Variants in TAFA2 observed in about 807,000 individuals in gnomAD.
TAFA2 encodes the protein chemokine-like protein TAFA-2.
A neutral mutation model predicts 18.8 loss-of-function variants in TAFA2; 7 were observed. The observed-to-expected ratio is 0.37, with a 90% CI of 0.21 to 0.70. The LOEUF (loss-of-function observed/expected upper bound fraction) is 0.70, where lower values mean the gene tolerates loss of function less well. Among genes scored for constraint, TAFA2 ranks in the 30% least tolerant of loss-of-function variants. The probability of loss-of-function intolerance (pLI) is 0.53; values close to 1 mark genes in which losing one functional copy is unlikely to be tolerated. For missense variants in TAFA2, 122 were observed against 158.1 expected, an observed-to-expected ratio of 0.77 and a Z score of 1.23; for synonymous variants, 60 against 54.2, an observed-to-expected ratio of 1.11 and a Z score of -0.47.
At chr12:61,889,379 C>T (rs1461697368) in intron 1 of TAFA2, among the ~76,000 whole-genome samples, 1 of 152,166 alleles carries the variant, frequency 6.6e-6, no homozygotes. Flanking sequence ...CCCTATGGCT[C>T]AGTCTGCACC....
At chr12:62,235,316 C>A in intron 1 of TAFA2, 1 of 666,004 alleles carries the variant, frequency 1.5e-6, no homozygotes, top group Non-Finnish European at 2.8e-6. Flanking sequence ...GGGCCCTCGG[C>A]ATCTCTGTCC....
At chr12:62,013,866 C>T (rs1310590076) in intron 1 of TAFA2, among the ~76,000 whole-genome samples, 2 of 152,122 alleles carry the variant, frequency 1.3e-5, no homozygotes, top group East Asian at 3.8e-4. Flanking sequence ...TACTATTGCA[C>T]TTTTACAACA....
At chr12:62,056,252 C>T (rs999256049) in intron 1 of TAFA2, among the ~76,000 whole-genome samples, 13 of 152,112 alleles carry the variant, frequency 8.5e-5, no homozygotes, top group Non-Finnish European at 1.8e-4. Flanking sequence ...CTTGCTACAT[C>T]GCCAGATATT....
intron 1 of TAFA2, among the ~76,000 whole-genome samples, chr12:61,870,001 C>T (rs1046764821): frequency 6.6e-6 from 1 of 152,268 alleles, no homozygotes; most frequent in African/African-American, 2.4e-5. Context: ...ATCATTTTTC[C>T]ATACCATTGT....
At chr12:62,047,137 A>G (rs1881930678) in intron 1 of TAFA2, among the ~76,000 whole-genome samples, 1 of 152,150 alleles carries the variant, frequency 6.6e-6, no homozygotes, top group South Asian at 2.1e-4. Context: ...TGATTTAATA[A>G]TAAGTAATAA....
chr12:62,172,447 C>A (rs1025839261), intron 1 of TAFA2, among the ~76,000 whole-genome samples: 1 of 152,202 alleles, frequency 6.6e-6, no homozygotes, highest in African/African-American at 2.4e-5. Flanking sequence ...AGAAGGAAGT[C>A]TCTCCTGATG....
At chr12:61,844,971 T>A (rs1000446322) in intron 2 of TAFA2, among the ~76,000 whole-genome samples, 2 of 152,130 alleles carry the variant, frequency 1.3e-5, no homozygotes, top group Admixed American at 1.3e-4. Context: ...TCATGTTGAG[T>A]TCAGGACCAC....
chr12:62,045,059 G>C (rs1881874438), intron 1 of TAFA2, among the ~76,000 whole-genome samples: 1 of 152,118 alleles, frequency 6.6e-6, no homozygotes, highest in Non-Finnish European at 1.5e-5. Flanking sequence ...TATAGCAATA[G>C]CTTTCTTTAT....
intron 2 of TAFA2, among the ~76,000 whole-genome samples, chr12:61,765,130 C>A (rs1336461389): frequency 6.6e-6 from 1 of 152,058 alleles, no homozygotes; most frequent in Non-Finnish European, 1.5e-5. Flanking sequence ...GGCAGTGACA[C>A]AAAGAATGTG....
chr12:62,048,702 CTTA>C (rs1422428280), intron 1 of TAFA2, among the ~76,000 whole-genome samples: 1 of 152,024 alleles, frequency 6.6e-6, no homozygotes, highest in Non-Finnish European at 1.5e-5. Context: ...ACAAATAAGC[CTTA>C]TGATAAGTAA....
At chr12:61,782,328 G>T (rs1342016316) in intron 2 of TAFA2, among the ~76,000 whole-genome samples, 2 of 151,618 alleles carry the variant, frequency 1.3e-5, no homozygotes, top group Non-Finnish European at 3.0e-5. Flanking sequence ...CTACTTGGAG[G>T]CTTCCTACAT....
At chr12:61,778,664 G>A (rs1870376281) in intron 2 of TAFA2, among the ~76,000 whole-genome samples, 1 of 151,894 alleles carries the variant, frequency 6.6e-6, no homozygotes, top group Non-Finnish European at 1.5e-5. Flanking sequence ...ATAGGAGACT[G>A]ATCCAGGAAA....
intron 1 of TAFA2, among the ~76,000 whole-genome samples, chr12:61,936,285 G>A (rs1347373254): frequency 6.6e-6 from 1 of 151,878 alleles, no homozygotes; most frequent in South Asian, 2.1e-4. Context: ...AGCATCCCTT[G>A]GCCGGGCACA....
intron 2 of TAFA2, among the ~76,000 whole-genome samples, chr12:61,864,681 G>A (rs562995426): frequency 1.8e-4 from 27 of 148,670 alleles, no homozygotes; most frequent in African/African-American, 6.0e-4. Flanking sequence ...ACTGAGGCAC[G>A]AGAATGGCGT....
upstream of TAFA2, among the ~76,000 whole-genome samples, chr12:62,193,497 C>T (rs1565776188): frequency 6.6e-6 from 1 of 152,174 alleles, no homozygotes; most frequent in South Asian, 2.1e-4. Flanking sequence ...AAAAGTAATA[C>T]TACATACCAT....
chr12:62,244,723 C>T (rs1358697001), intron 1 of TAFA2, among the ~76,000 whole-genome samples: 1 of 152,104 alleles, frequency 6.6e-6, no homozygotes, highest in East Asian at 1.9e-4. Flanking sequence ...GTTGCACAAC[C>T]TCATTAACAC....
At chr12:61,818,514 C>T (rs751169840) in intron 2 of TAFA2, among the ~76,000 whole-genome samples, 12 of 151,834 alleles carry the variant, frequency 7.9e-5, no homozygotes, top group Admixed American at 3.3e-4. Context: ...CACACACACA[C>T]ACACACACAC....
At position 61,867,343 on chromosome 12, in the gene TAFA2, A is replaced by G; in HGVS notation, c.83T>C (p.Val28Ala). 1 of 1,607,444 alleles carries G rather than the reference A, an allele frequency of 6.2e-7. No homozygotes were observed. Among genetic ancestry groups the G allele is most frequent in the Non-Finnish European group, 8.5e-7 (1 of 1,175,826 alleles). Residue 28 changes from valine (V) to alanine (A), a missense_variant, in exon 2 of 5, where the codon GTA (valine) becomes GCA (alanine). Physicochemically the swap from Val to Ala is moderately conservative, Grantham distance 64 (BLOSUM62 0). Around this residue, in one of 2 missense-constraint regions of TAFA2, gnomAD observed 62 missense variants for 55.5 expected, o/e 1.12. Coordinates refer to ENST00000416284, the MANE Select transcript of TAFA2 (RefSeq NM_178539.5). ...ACCTTTATGATGGTTTGCACTGGATACAACTTTCCCCCACAAGGTTACAAT... is the reference window on the plus strand; with the variant it reads ...ACCTTTATGATGGTTTGCACTGGATGCAACTTTCCCCCACAAGGTTACAAT... ...IFIVTLWGKV[V>A]SSANHHKAHH...
chr12:62,075,868 T>C (rs756220211), intron 1 of TAFA2, among the ~76,000 whole-genome samples: 2 of 152,260 alleles, frequency 1.3e-5, no homozygotes, highest in Non-Finnish European at 2.9e-5. Flanking sequence ...TTCAATTATA[T>C]GGTTTTGAAT....
Sources: allele counts gnomAD v4.1 joint callset (sites outside exome capture counted in the v4.1 genomes callset), GRCh38; gene constraint gnomAD v4.1.1; regional missense constraint gnomAD v4.1.1; transcripts MANE v1.5; gene names NCBI Gene and HGNC (gene_info 2026-07-23, HGNC 2026-07-21).